Variants in FNDC3A observed in about 807,000 individuals in gnomAD.
FNDC3A encodes fibronectin type-III domain-containing protein 3A.
Under a neutral mutation model 148.9 loss-of-function variants are expected in FNDC3A, and 32 were observed. The ratio of observed to expected loss-of-function variants is 0.21; its 90% CI spans 0.16 to 0.29. The LOEUF (loss-of-function observed/expected upper bound fraction) is 0.29, where lower values mean the gene tolerates loss of function less well. Among genes scored for constraint, FNDC3A ranks in the 10% least tolerant of loss-of-function variants. The pLI is 1.00. For synonymous variants in FNDC3A, 472 were observed against 473.6 expected (o/e 1.00, Z 0.04); for missense variants, 1,191 against 1,452.8 (o/e 0.82, Z 2.93).
chr13:49,030,906 T>C (rs1430380851), intron 2 of FNDC3A, among the ~76,000 whole-genome samples: 1 of 152,236 alleles, frequency 6.6e-6, no homozygotes, highest in Admixed American at 6.5e-5. Flanking sequence ...GAAGACTTAA[T>C]ATTGTTAAGG....
chr13:49,186,619 A>G (rs971976064), intron 15 of FNDC3A, among the ~76,000 whole-genome samples: 2 of 152,148 alleles, frequency 1.3e-5, no homozygotes, highest in Non-Finnish European at 2.9e-5. Flanking sequence ...TGTAATCCCA[A>G]CACTTTGGGA....
intron 2 of FNDC3A, among the ~76,000 whole-genome samples, chr13:49,016,564 A>G (rs1183068070): frequency 6.6e-6 from 1 of 152,062 alleles, no homozygotes; most frequent in Non-Finnish European, 1.5e-5. Flanking sequence ...TCCTGGATTC[A>G]TTAATTTTTT....
chr13:49,083,434 C>G (rs1367568217), intron 3 of FNDC3A, among the ~76,000 whole-genome samples: 2 of 152,120 alleles, frequency 1.3e-5, no homozygotes, highest in Non-Finnish European at 2.9e-5. Flanking sequence ...TCTTGGACTT[C>G]AAAAATAGAA....
At chr13:49,020,537 C>T (rs1038327327) in intron 2 of FNDC3A, among the ~76,000 whole-genome samples, 9 of 152,198 alleles carry the variant, frequency 5.9e-5, no homozygotes, top group Non-Finnish European at 8.8e-5. Context: ...TGTGGCTGTG[C>T]GCCACATAGT....
chr13:49,126,349 C>T (rs908179004), intron 4 of FNDC3A, among the ~76,000 whole-genome samples: 1 of 151,810 alleles, frequency 6.6e-6, no homozygotes, highest in African/African-American at 2.4e-5. Flanking sequence ...AGTTTAATGG[C>T]ATTAGGTACA....
At position 49,135,442 on chromosome 13, in the gene FNDC3A, C is replaced by T. The variant is rs112422384; in HGVS notation, c.491-890C>T. ...ATTGCCAAATCCAAGGTCATAGAGA[C>T]GTGTTTTCTTCTAAGAGTTCTATAG... On this transcript the variant is annotated intron_variant, in intron 5 of 25. Transcript: ENST00000492622. Among the ~76,000 whole-genome samples the T allele has an allele frequency of 6.3e-3, 964 of 152,060 alleles. 17 individuals are homozygous for T. Among genetic ancestry groups the T allele is most frequent in the South Asian group, 0.045 (219 of 4,822 alleles).
intron 13 of FNDC3A, among the ~76,000 whole-genome samples, chr13:49,177,523 C>T (rs1885089704): frequency 6.6e-6 from 1 of 152,062 alleles, no homozygotes; most frequent in Non-Finnish European, 1.5e-5. Context: ...CATTGGTCCA[C>T]CCCTAAGTAT....
intron 3 of FNDC3A, among the ~76,000 whole-genome samples, chr13:49,103,706 C>G (rs1328064000): frequency 1.3e-5 from 2 of 151,942 alleles, no homozygotes; most frequent in Non-Finnish European, 2.9e-5. Flanking sequence ...GTCAGAACTT[C>G]CAAATAGATG....
At chr13:49,176,142 T>A (rs1000810504) in intron 13 of FNDC3A, among the ~76,000 whole-genome samples, 30 of 152,362 alleles carry the variant, frequency 2.0e-4, no homozygotes, top group African/African-American at 7.0e-4. Context: ...CATATTGGCC[T>A]GAAATTTTCA....
chr13:49,181,413 A>T (rs908476459), intron 14 of FNDC3A, among the ~76,000 whole-genome samples: 1 of 152,200 alleles, frequency 6.6e-6, no homozygotes, highest in African/African-American at 2.4e-5. Flanking sequence ...ACCCCCATCT[A>T]CTAAATTAGA....
chr13:49,109,470 T>C (rs2137860578), intron 3 of FNDC3A, among the ~76,000 whole-genome samples: 1 of 152,320 alleles, frequency 6.6e-6, no homozygotes, highest in South Asian at 2.1e-4. Flanking sequence ...CCACTGTCAT[T>C]ATCATTACCT....
At chr13:48,976,662 G>A (rs1942707474) in intron 1 of FNDC3A, 1 of 152,386 alleles carries the variant, frequency 6.6e-6, no homozygotes, top group South Asian at 2.1e-4. Flanking sequence ...CTTCGGCTTT[G>A]GCCGCCCGGC....
At chr13:49,099,284 T>C (rs1381944379) in intron 3 of FNDC3A, among the ~76,000 whole-genome samples, 1 of 152,142 alleles carries the variant, frequency 6.6e-6, no homozygotes, top group Admixed American at 6.6e-5. Flanking sequence ...ACTTTAAACT[T>C]GTGGTTAAAT....
chr13:49,079,973 C>T (rs1440677296), intron 3 of FNDC3A, among the ~76,000 whole-genome samples: 1 of 152,214 alleles, frequency 6.6e-6, no homozygotes, highest in East Asian at 1.9e-4. Context: ...TGCCACCATG[C>T]TTTTATAGAG....
In FNDC3A at chr13:48,983,378, A is replaced by G. The variant is rs570000314; in HGVS notation, c.-40+7201A>G. On this transcript the variant is annotated intron_variant, in intron 1 of 25. Coordinates refer to ENST00000492622, the MANE Select transcript of FNDC3A (RefSeq NM_001079673.2). ...AACTATGAACTCCTTGAGTTTGACC[A>G]GTACTACTGGAGTCAGCAACTTTTT... 5.9e-5 allele frequency among the ~76,000 whole-genome samples: 9 copies of G among 152,330 alleles called. No homozygotes were observed. In the East Asian group the frequency reaches 1.7e-3, roughly 29 times the overall value.
intron 2 of FNDC3A, among the ~76,000 whole-genome samples, chr13:49,024,963 T>C (rs1176988983): frequency 2.0e-5 from 3 of 152,074 alleles, no homozygotes; most frequent in Non-Finnish European, 2.9e-5. Flanking sequence ...GAAAAAAATA[T>C]TTTGTTGCTA....
intron 2 of FNDC3A, among the ~76,000 whole-genome samples, chr13:49,041,813 C>CAAAAAA (rs771071135): frequency 3.1e-5 from 2 of 64,310 alleles, no homozygotes; most frequent in African/African-American, 5.0e-5. Context: ...GACTCTGTCT[C>CAAAAAA]AAAAAAAAAA....
intron 2 of FNDC3A, among the ~76,000 whole-genome samples, chr13:49,007,461 T>C (rs1952242622): frequency 6.6e-6 from 1 of 152,152 alleles, no homozygotes; most frequent in South Asian, 2.1e-4. Flanking sequence ...TTTTTGAGGT[T>C]GTCCAAGTGT....
intron 3 of FNDC3A, among the ~76,000 whole-genome samples, chr13:49,107,688 G>A (rs777171749): frequency 2.6e-5 from 4 of 152,128 alleles, no homozygotes; most frequent in South Asian, 2.1e-4. Context: ...GTTCAATTTC[G>A]AGATATGGTT....
Sources: allele counts gnomAD v4.1 joint callset (sites outside exome capture counted in the v4.1 genomes callset), GRCh38; gene constraint gnomAD v4.1.1; transcripts MANE v1.5; gene names NCBI Gene and HGNC (gene_info 2026-07-23, HGNC 2026-07-21).